Variants in PELI2 observed in about 807,000 individuals in gnomAD.
PELI2 encodes the protein E3 ubiquitin-protein ligase pellino homolog 2.
In PELI2, 23 loss-of-function variants were observed where a neutral mutation model predicts 42.3. The observed-to-expected ratio is 0.54, with a 90% CI of 0.39 to 0.77. The LOEUF (loss-of-function observed/expected upper bound fraction) is 0.77. Among genes scored for constraint, PELI2 ranks in the 30% least tolerant of loss-of-function variants. The probability of loss-of-function intolerance (pLI) is 0.00; values close to 1 mark genes in which losing one functional copy is unlikely to be tolerated. For missense variants in PELI2, 463 were observed against 553.2 expected, an observed-to-expected ratio of 0.84 and a Z score of 1.64; for synonymous variants, 245 against 212.2, an observed-to-expected ratio of 1.15 and a Z score of -1.34.
At position 56,124,169 on chromosome 14, in the gene PELI2, G is replaced by A. The variant is rs554808905; in HGVS notation, c.77+5432G>A. ...AAATAAAATAATAAGAGCAGAAAGTGCTTCATATTTCTTAGCTTTGTCTAA... is the reference window on the plus strand; with the variant it reads ...AAATAAAATAATAAGAGCAGAAAGTACTTCATATTTCTTAGCTTTGTCTAA... On this transcript the variant is annotated intron_variant, in intron 1 of 5. Coordinates refer to ENST00000267460, the MANE Select transcript of PELI2 (RefSeq NM_021255.3). Among the ~76,000 whole-genome samples, 9 of 152,312 alleles carry A rather than the reference G, an allele frequency of 5.9e-5. No individual in the cohort carries two copies. In the East Asian group the frequency reaches 1.2e-3, roughly 20 times the overall value.
intron 2 of PELI2, among the ~76,000 whole-genome samples, chr14:56,230,013 A>G (rs1437534747): frequency 6.6e-6 from 1 of 152,262 alleles, no homozygotes; most frequent in East Asian, 1.9e-4. Flanking sequence ...ATTGAAGATC[A>G]AATGAATGAA....
At chr14:56,191,617 A>G (rs1289763345) in intron 2 of PELI2, among the ~76,000 whole-genome samples, 1 of 152,212 alleles carries the variant, frequency 6.6e-6, no homozygotes, top group Non-Finnish European at 1.5e-5. Context: ...GCTAGTACCC[A>G]TGAGGAACTC....
intron 1 of PELI2, among the ~76,000 whole-genome samples, chr14:56,174,359 C>G (rs1419329532): frequency 6.6e-6 from 1 of 152,226 alleles, no homozygotes; most frequent in African/African-American, 2.4e-5. Flanking sequence ...TATGTGATTA[C>G]TTTATATTTC....
intron 1 of PELI2, among the ~76,000 whole-genome samples, chr14:56,152,174 A>G (rs535622264): frequency 6.6e-6 from 1 of 152,362 alleles, no homozygotes; most frequent in African/African-American, 2.4e-5. Flanking sequence ...GGCCACATCT[A>G]GCTGCAAGGG....
At chr14:56,202,157 TTTGTTG>T (rs578087570) in intron 2 of PELI2, among the ~76,000 whole-genome samples, 1 of 152,082 alleles carries the variant, frequency 6.6e-6, no homozygotes, top group Non-Finnish European at 1.5e-5. Context: ...ATAGAAGGTA[TTTGTTG>T]TTGTTGTTGT....
At chr14:56,118,936 A>G (rs113922476) in intron 1 of PELI2, among the ~76,000 whole-genome samples, 199 bp downstream of exon 1, 60,198 of 149,952 alleles carry the variant, frequency 0.4, 14,370 homozygotes, top group Admixed American at 0.57. Context: ...GCTGCGGCGG[A>G]CGCCGGGCTG....
chr14:56,178,579 T>C (rs1201095025), intron 2 of PELI2, 115 bp downstream of exon 2: 1 of 1,177,308 alleles, frequency 8.5e-7, no homozygotes, highest in East Asian at 2.4e-5. Context: ...TCTCAGACCA[T>C]TTGAGGCTGG....
Position 56,298,684 on chromosome 14 carries a change from C to T in PELI2, c.*1518C>T, listed in dbSNP as rs957670137. ...TTTGCCTATTTTCAGTCGTTCTAAC[C>T]TATTTGAATACGCTTTTCCTTAAAG... On this transcript the variant is annotated 3_prime_UTR_variant, in exon 6 of 6. Transcript: ENST00000267460. 1 of 152,558 alleles carries T rather than the reference C, an allele frequency of 6.6e-6. No individual in the cohort carries two copies. The highest frequency in any genetic ancestry group is 1.5e-5 in the Non-Finnish European group (1 of 68,020). 9.5% of individuals were successfully genotyped at this position (152,558 alleles called of 1,614,324 possible). A position where few individuals can be genotyped will look rare whatever the true frequency, so the allele number is the denominator to read the frequency against.
chr14:56,130,448 T>A (rs1009105052), intron 1 of PELI2, among the ~76,000 whole-genome samples: 96 of 151,968 alleles, frequency 6.3e-4, no homozygotes, highest in East Asian at 7.7e-4. Flanking sequence ...TTTATTTTGT[T>A]TTTTTTTAAC....
At chr14:56,259,984 G>A (rs1888656633) in intron 2 of PELI2, among the ~76,000 whole-genome samples, 1 of 152,056 alleles carries the variant, frequency 6.6e-6, no homozygotes, top group African/African-American at 2.4e-5. Context: ...AAAATGGAGA[G>A]ACGAACCATA....
chr14:56,297,058 G>C lies in PELI2; in HGVS notation c.1155G>C (p.Pro385=). 6.2e-7 allele frequency: 1 copy of C among 1,613,210 alleles called. No individual in the cohort carries two copies. Among genetic ancestry groups the C allele is most frequent in the Non-Finnish European group, 8.5e-7 (1 of 1,179,954 alleles). ...EKSAKYWSQI[P]LPHGTHAFHA... is the part of the protein sequence containing the mutation. The stretch of plus-strand genomic sequence containing the variant: ...CTGCAAAATACTGGTCTCAGATCCC[G>C]TTGCCTCATGGAACTCATGCATTTC... The change falls in exon 6 of 6, where the codon CCG becomes CCC. Residue 385 remains proline, a synonymous_variant. Transcript: ENST00000267460.
chr14:56,213,921 G>A (rs546987823), intron 2 of PELI2, among the ~76,000 whole-genome samples: 12 of 151,760 alleles, frequency 7.9e-5, no homozygotes, highest in African/African-American at 2.7e-4. Flanking sequence ...GCGTGATCTC[G>A]GCTCGCTGCA....
In PELI2 at chr14:56,179,089, A is replaced by G. The variant is rs114257107; in HGVS notation, c.207+625A>G. Among the ~76,000 whole-genome samples, 1,148 of 152,240 alleles carry G rather than the reference A, an allele frequency of 7.5e-3. 13 individuals are homozygous for G. Among genetic ancestry groups the G allele is most frequent in the African/African-American group, 0.026 (1,095 of 41,544 alleles). ...AAATGCTAATTAAAAAAAACTGGTT[A>G]TTTGTTTTCTGATCTATAAGTCGAG... On this transcript the variant is annotated intron_variant, in intron 2 of 5. Coordinates refer to ENST00000267460, the MANE Select transcript of PELI2 (RefSeq NM_021255.3).
chr14:56,242,975 C>G lies in PELI2; in HGVS notation c.208-36701C>G, dbSNP rs1261845579. Among the ~76,000 whole-genome samples the G allele has an allele frequency of 2.0e-5, 3 of 152,216 alleles. No individual in the cohort carries two copies. In the East Asian group the frequency reaches 5.8e-4, roughly 29 times the overall value. ...AAAGAGCTTTCCATGTAACCAAACA[C>G]CACCTGTTCCCCAAAAACTATTGAA... On this transcript the variant is annotated intron_variant, in intron 2 of 5. Transcript: ENST00000267460.
At chr14:56,146,743 T>G (rs2046598014) in intron 1 of PELI2, among the ~76,000 whole-genome samples, 1 of 152,146 alleles carries the variant, frequency 6.6e-6, no homozygotes, top group Non-Finnish European at 1.5e-5. Flanking sequence ...TGATGAGAGA[T>G]CAATTTTACT....
rs906689477 is a variant in PELI2 at position 56,299,609 on chromosome 14, A to G, written c.*2443A>G. ...TCCCTTTACAATTTTGACTAAGGAG[A>G]TTTTTTTTTTCACAGTTGAGTTAGT... is the stretch of plus-strand genomic sequence containing the variant. On this transcript the variant is annotated 3_prime_UTR_variant, in exon 6 of 6. Transcript: ENST00000267460. 1 of 150,766 alleles carries G rather than the reference A, an allele frequency of 6.6e-6. No individual in the cohort carries two copies. The highest frequency in any genetic ancestry group is 2.4e-5 in the African/African-American group (1 of 41,046). The allele number at this position is 150,766 out of a possible 1,614,324, so 9.3% of individuals were successfully genotyped here. A position where few individuals can be genotyped will look rare whatever the true frequency, so the allele number is the denominator to read the frequency against.
chr14:56,290,483 G>C, intron 5 of PELI2, 27 bp downstream of exon 5: 1 of 1,531,044 alleles, frequency 6.5e-7, no homozygotes, highest in Non-Finnish European at 8.9e-7. Context: ...CTGCAAGTGT[G>C]AAGTACGAAA....
chr14:56,262,145 A>G (rs1888734720), intron 2 of PELI2, among the ~76,000 whole-genome samples: 1 of 152,244 alleles, frequency 6.6e-6, no homozygotes, highest in Non-Finnish European at 1.5e-5. Flanking sequence ...ACTGCAATTT[A>G]CAGGCAAAAT....
intron 2 of PELI2, among the ~76,000 whole-genome samples, chr14:56,235,771 G>T (rs1315105001): frequency 6.6e-6 from 1 of 152,206 alleles, no homozygotes; most frequent in Non-Finnish European, 1.5e-5. Context: ...CATGTATCCT[G>T]CAGAGGAGCT....
Sources: gnomAD v4.1 joint callset for allele counts (sites outside exome capture counted in the v4.1 genomes callset) on GRCh38, gnomAD v4.1.1 for gene constraint, MANE v1.5 for transcripts, NCBI Gene and HGNC (gene_info 2026-07-23, HGNC 2026-07-21) for gene names.